KDM1B: variants seen among roughly 807,000 people sequenced by gnomAD.
The protein encoded by KDM1B is lysine-specific histone demethylase 2.
Under a neutral mutation model 107.4 loss-of-function variants are expected in KDM1B, and 63 were observed. The observed-to-expected ratio is 0.59, with a 90% confidence interval of 0.48 to 0.72. KDM1B has a LOEUF of 0.72. Ranked by LOEUF, KDM1B falls within the 30% of genes least tolerant of loss-of-function variation. The probability of loss-of-function intolerance (pLI) is 0.00; values close to 1 mark genes in which losing one functional copy is unlikely to be tolerated. For missense variants in KDM1B, 749 were observed against 1,020.8 expected (o/e 0.73, Z 3.63); for synonymous variants, 363 against 363.9 (o/e 1.00, Z 0.03).
Position 18,201,481 on chromosome 6 carries a change from T to C in KDM1B, c.1360-5T>C, listed in dbSNP as rs748604422. ...TTTCACCTTCTTATTCTTATTATTTTGAAGCTTGGCATCAGCATGCATAAA... is the reference window on the plus strand; with the variant it reads ...TTTCACCTTCTTATTCTTATTATTTCGAAGCTTGGCATCAGCATGCATAAA... On this transcript the variant is annotated splice_polypyrimidine_tract_variant and splice_region_variant and intron_variant, in intron 13 of 21. Coordinates refer to ENST00000650836, the MANE Select transcript of KDM1B (RefSeq NM_001364614.2). The surrounding 1 kb of genome is among the most constrained non-coding windows in gnomAD (Gnocchi z 4.3). 1.3e-6 allele frequency: 2 copies of C among 1,543,852 alleles called. No homozygotes were observed. The highest frequency in any genetic ancestry group is 2.4e-5 in the South Asian group (2 of 82,794).
In KDM1B at chr6:18,155,922, C is replaced by G. The variant is rs1784563236; in HGVS notation, c.-18C>G. 1 of 152,172 alleles carries G rather than the reference C, an allele frequency of 6.6e-6. No homozygotes were observed. The highest frequency in any genetic ancestry group is 1.5e-5 in the Non-Finnish European group (1 of 68,050). The allele number at this position is 152,172 out of a possible 1,614,324, so 9.4% of individuals were successfully genotyped here. Reference sequence around the variant, plus strand: ...CGAGACTCCCGGCACCTCTTCAGCGCAAAGGTGAGCCCCGGGGCAGTTGCT... The same window carrying G: ...CGAGACTCCCGGCACCTCTTCAGCGGAAAGGTGAGCCCCGGGGCAGTTGCT... On this transcript the variant is annotated 5_prime_UTR_variant, in exon 2 of 22. Transcript: ENST00000650836. The surrounding 1 kb of genome is among the most constrained non-coding windows in gnomAD (Gnocchi z 6.2).
At chr6:18,189,981 T>TA (rs942488451) in intron 9 of KDM1B, among the ~76,000 whole-genome samples, 12 of 150,214 alleles carry the variant, frequency 8.0e-5, no homozygotes, top group South Asian at 2.1e-4. Context: ...CCGTCTCTAC[T>TA]AAAAAAAAAT....
At chr6:18,188,761 G>A (rs1004738804) in intron 9 of KDM1B, among the ~76,000 whole-genome samples, 3 of 149,472 alleles carry the variant, frequency 2.0e-5, no homozygotes, top group Admixed American at 6.7e-5. Flanking sequence ...CTCCAAGCAC[G>A]TGCCACTACA....
chr6:18,207,588 T>C (rs928454054), intron 16 of KDM1B, 59 bp downstream of exon 16: 90 of 1,603,926 alleles, frequency 5.6e-5, no homozygotes, highest in Admixed American at 2.8e-4. Context: ...TGTGAAGTTC[T>C]GGGCATGCGG....
chr6:18,219,539 C>T (rs2151053643), intron 21 of KDM1B, among the ~76,000 whole-genome samples: 1 of 152,190 alleles, frequency 6.6e-6, no homozygotes, highest in African/African-American at 2.4e-5. Context: ...GCAGAATGTT[C>T]CTTTTTTGTA....
chr6:18,204,136 C>T lies in KDM1B; in HGVS notation c.1532-1401C>T, dbSNP rs572557989. ...ATTTTGATGAAAGCCTTGAGCTGTTCTAAAAAAAAAAATATTTGAAGTAAC... is the reference window on the plus strand; with the variant it reads ...ATTTTGATGAAAGCCTTGAGCTGTTTTAAAAAAAAAAATATTTGAAGTAAC... On this transcript the variant is annotated intron_variant, in intron 14 of 21. Transcript: ENST00000650836. The surrounding 1 kb of genome is among the most constrained non-coding windows in gnomAD (Gnocchi z 4.9). Among the ~76,000 whole-genome samples the T allele has an allele frequency of 6.7e-6, 1 of 149,068 alleles. No individual in the cohort carries two copies. Among genetic ancestry groups the T allele is most frequent in the Admixed American group, 6.6e-5 (1 of 15,128 alleles).
At chr6:18,221,309 T>C (rs1472301649) in intron 21 of KDM1B, among the ~76,000 whole-genome samples, 2 of 152,158 alleles carry the variant, frequency 1.3e-5, no homozygotes, top group Admixed American at 6.5e-5. Flanking sequence ...AATTACTTAA[T>C]CACTAATTCA....
In KDM1B at chr6:18,191,032, A is replaced by G. The variant is rs1787251936; in HGVS notation, c.785-165A>G. The stretch of plus-strand genomic sequence containing the variant: ...TGAAGAAAGAATGAGAAAAATACTT[A>G]ATTTATGTACGTTTTGTCTAACTGG... On this transcript the variant is annotated intron_variant, in intron 9 of 21. Coordinates refer to ENST00000650836, the MANE Select transcript of KDM1B (RefSeq NM_001364614.2). This position sits in a 1 kb window ranked among gnomAD's most constrained non-coding sequence, Gnocchi z 5.1. Among the ~76,000 whole-genome samples, 1 of 152,176 alleles carries G rather than the reference A, an allele frequency of 6.6e-6. No individual in the cohort carries two copies. Among genetic ancestry groups the G allele is most frequent in the Non-Finnish European group, 1.5e-5 (1 of 68,032 alleles).
intron 5 of KDM1B, among the ~76,000 whole-genome samples, chr6:18,165,658 A>G (rs771723846): frequency 2.0e-5 from 3 of 152,156 alleles, no homozygotes; most frequent in Non-Finnish European, 2.9e-5. Flanking sequence ...CCCCATCTCT[A>G]CTAAAAATAC....
At chr6:18,165,345 T>C (rs963566580) in intron 5 of KDM1B, among the ~76,000 whole-genome samples, 6 of 151,550 alleles carry the variant, frequency 4.0e-5, no homozygotes, top group East Asian at 2.0e-4. Flanking sequence ...TTAGCCAGGA[T>C]GGTCTCGATC....
chr6:18,160,510 C>T (rs973224317), intron 3 of KDM1B, among the ~76,000 whole-genome samples: 4 of 152,048 alleles, frequency 2.6e-5, no homozygotes, highest in African/African-American at 7.2e-5. Flanking sequence ...AGTCCGAGGC[C>T]GGTGGATCAC....
In KDM1B at chr6:18,200,125, C is replaced by A. The variant is rs953006136; in HGVS notation, c.1222-314C>A. Among the ~76,000 whole-genome samples, 1 of 152,188 alleles carries A rather than the reference C, an allele frequency of 6.6e-6. No individual in the cohort carries two copies. The highest frequency in any genetic ancestry group is 1.5e-5 in the Non-Finnish European group (1 of 68,036). The stretch of plus-strand genomic sequence containing the variant: ...TTGGCCTCATGTGATCCTCCTGCCT[C>A]GGCCTCCCAAAGTGCTGGTATTACA... On this transcript the variant is annotated intron_variant, in intron 12 of 21. Transcript: ENST00000650836. The surrounding 1 kb of genome is among the most constrained non-coding windows in gnomAD (Gnocchi z 4.3).
In KDM1B at chr6:18,197,245, T is replaced by C. The variant is rs948701856; in HGVS notation, c.1146+12T>C. Reference sequence around the variant, plus strand: ...AGGACTACCACAATGTAGGTGATTATAGCTTTAGCGATAGCCTTGCCATTG... The same window carrying C: ...AGGACTACCACAATGTAGGTGATTACAGCTTTAGCGATAGCCTTGCCATTG... On this transcript the variant is annotated intron_variant, in intron 11 of 21. Coordinates refer to ENST00000650836, the MANE Select transcript of KDM1B (RefSeq NM_001364614.2). This position sits in a 1 kb window ranked among gnomAD's most constrained non-coding sequence, Gnocchi z 4.5. The C allele has an allele frequency of 6.2e-7, 1 of 1,608,692 alleles. No individual in the cohort carries two copies. The highest frequency in any genetic ancestry group is 1.3e-5 in the African/African-American group (1 of 74,798).
At chr6:18,221,354 G>C (rs1019209926) in intron 21 of KDM1B, among the ~76,000 whole-genome samples, 2 of 152,038 alleles carry the variant, frequency 1.3e-5, no homozygotes, top group Non-Finnish European at 2.9e-5. Context: ...CTATCCTCCT[G>C]GTTTGCTTAT....
intron 3 of KDM1B, among the ~76,000 whole-genome samples, chr6:18,161,026 A>G (rs1561902922): frequency 6.6e-6 from 1 of 151,870 alleles, no homozygotes; most frequent in East Asian, 1.9e-4. Context: ...AGTGCTGGGG[A>G]TTACAGGCAT....
chr6:18,170,972 C>A (rs969120223), intron 6 of KDM1B, among the ~76,000 whole-genome samples: 11 of 152,098 alleles, frequency 7.2e-5, no homozygotes, highest in Admixed American at 1.3e-4. Flanking sequence ...AGGCGCCCGC[C>A]ACCACGCCTG....
In KDM1B at chr6:18,191,454, TG is replaced by T; in HGVS notation, c.969+77del. 7.0e-7 allele frequency: 1 copy of T among 1,429,758 alleles called. No individual in the cohort carries two copies. Among genetic ancestry groups the T allele is most frequent in the African/African-American group, 1.4e-5 (1 of 70,116 alleles). The allele number at this position is 1,429,758 out of a possible 1,614,324, so 88.6% of individuals were successfully genotyped here. ...GTTGAAAAGGAGGGGATACTTCATC[TG>T]GGGATGGAACCTTTTATGCCAGGGT... is the stretch of plus-strand genomic sequence containing the variant. On this transcript the variant is annotated intron_variant, in intron 10 of 21. Coordinates refer to ENST00000650836, the MANE Select transcript of KDM1B (RefSeq NM_001364614.2). This position sits in a 1 kb window ranked among gnomAD's most constrained non-coding sequence, Gnocchi z 5.1.
intron 2 of KDM1B, among the ~76,000 whole-genome samples, chr6:18,156,975 A>T (rs1784651591): frequency 6.6e-6 from 1 of 152,222 alleles, no homozygotes; most frequent in East Asian, 1.9e-4. Flanking sequence ...GGATTATTAT[A>T]ATGAAATCTA....
chr6:18,166,464 C>A, intron 6 of KDM1B, 86 bp downstream of exon 6: 1 of 769,526 alleles, frequency 1.3e-6, no homozygotes, highest in South Asian at 1.5e-5. Context: ...TAGGAAATCT[C>A]CTATTACATT....
Sources: allele counts gnomAD v4.1 joint callset (sites outside exome capture counted in the v4.1 genomes callset), GRCh38; gene constraint gnomAD v4.1.1; non-coding constraint Gnocchi (gnomAD v3.1); transcripts MANE v1.5; gene names NCBI Gene and HGNC (gene_info 2026-07-23, HGNC 2026-07-21).